The following ACBD6 variants were observed in gnomAD, a reference collection of about 807,000 sequenced individuals.
ACBD6 encodes the protein acyl-CoA binding domain containing 6.
A neutral mutation model predicts 37.2 loss-of-function variants in ACBD6; 28 were observed. The observed-to-expected ratio is 0.75, with a 90% CI of 0.56 to 1.03. ACBD6 has a LOEUF of 1.03. ACBD6 is among the 50% of genes least tolerant of loss of function. ACBD6 has a pLI of 0.00. For missense variants in ACBD6, 340 were observed against 337.4 expected (o/e 1.01, Z -0.06); for synonymous variants, 113 against 126.8 (o/e 0.89, Z 0.73).
intron 6 of ACBD6, among the ~76,000 whole-genome samples, chr1:180,338,714 A>G (rs560299181): frequency 1.3e-5 from 2 of 152,250 alleles, no homozygotes; most frequent in Admixed American, 1.3e-4. Context: ...TCTGCACAGC[A>G]AAAGAAACTA....
chr1:180,467,448 C>CAAAAAAAAAAAAAAA (rs57941230), intron 3 of ACBD6, among the ~76,000 whole-genome samples: 35 of 72,548 alleles, frequency 4.8e-4, no homozygotes, highest in South Asian at 6.0e-4. Context: ...TCCATCTCTG[C>CAAAAAAAAAAAAAAA]AAAAAAAAAA....
chr1:180,439,097 A>C (rs147341803), intron 3 of ACBD6, among the ~76,000 whole-genome samples: 294 of 152,340 alleles, frequency 1.9e-3, no homozygotes, highest in Middle Eastern at 6.8e-3. Context: ...TTCATGGTCT[A>C]ATAGCTCATT....
intron 6 of ACBD6, among the ~76,000 whole-genome samples, chr1:180,349,290 C>T (rs921403848): frequency 7.4e-5 from 11 of 149,344 alleles, no homozygotes; most frequent in African/African-American, 1.2e-4. Flanking sequence ...GGAAACGTCT[C>T]GCTCTGTCGC....
At chr1:180,412,448 A>G (rs1647900466) in intron 5 of ACBD6, among the ~76,000 whole-genome samples, 1 of 152,236 alleles carries the variant, frequency 6.6e-6, no homozygotes, top group African/African-American at 2.4e-5. Flanking sequence ...AATCTTTCAC[A>G]GCATCACCAA....
chr1:180,502,226 T>C lies in ACBD6; in HGVS notation c.41A>G (p.Asp14Gly), dbSNP rs1224279658. Residue 14 changes from aspartate (D) to glycine (G), a missense_variant, in exon 1 of 8, where the codon GAC (aspartate) becomes GGC (glycine). Transcript: ENST00000367595. ...SFLPAGAITG[D>G]SGGELSSGDD... ...CCCTGAGCTCAGCTCTCCACCGCTG[T>C]CGCCGGTGATGGCCCCCGCGGGCAG... 2 of 1,613,834 alleles carry C rather than the reference T, an allele frequency of 1.2e-6. No individual in the cohort carries two copies. The highest frequency in any genetic ancestry group is 1.7e-6 in the Non-Finnish European group (2 of 1,180,036).
chr1:180,391,827 T>G (rs1169669493), intron 6 of ACBD6, among the ~76,000 whole-genome samples: 1 of 152,110 alleles, frequency 6.6e-6, no homozygotes, highest in African/African-American at 2.4e-5. Context: ...AATGAAAATA[T>G]ATGTGTATAT....
In ACBD6 at chr1:180,395,963, T is replaced by C. The variant is rs184332078; in HGVS notation, c.663+1553A>G. Among the ~76,000 whole-genome samples, 3 of 152,216 alleles carry C rather than the reference T, an allele frequency of 2.0e-5. No individual in the cohort carries two copies. The East Asian group carries it at 5.8e-4, about 29-fold the overall frequency. ...AAATACATACAAATAATATTCGGCT[T>C]TAAAAGGGAAGGAAATTTTGACACA... On this transcript the variant is annotated intron_variant, in intron 6 of 7. Coordinates refer to ENST00000367595, the MANE Select transcript of ACBD6 (RefSeq NM_032360.4).
At chr1:180,445,201 A>G (rs576281730) in intron 3 of ACBD6, among the ~76,000 whole-genome samples, 1 of 152,326 alleles carries the variant, frequency 6.6e-6, no homozygotes, top group East Asian at 1.9e-4. Context: ...ATTATTGCCC[A>G]AAACATGGCC....
chr1:180,324,846 A>G (rs1403220824), intron 6 of ACBD6, among the ~76,000 whole-genome samples: 1 of 152,078 alleles, frequency 6.6e-6, no homozygotes, highest in East Asian at 1.9e-4. Context: ...TGCTTGAAGG[A>G]TATTTTCACA....
At position 180,408,927 on chromosome 1, in the gene ACBD6, C is replaced by G. The variant is rs962015461; in HGVS notation, c.573+4439G>C. ...ACCCTAACACTTTGGGAGGCTGAGG[C>G]AGGCTGATTACTAAAGCTCAGGAGT... is the stretch of plus-strand genomic sequence containing the variant. On this transcript the variant is annotated intron_variant, in intron 5 of 7. Transcript: ENST00000367595. Among the ~76,000 whole-genome samples the G allele has an allele frequency of 1.6e-4, 24 of 152,126 alleles. No homozygotes were observed. In the South Asian group the frequency reaches 5.0e-3, roughly 32 times the overall value.
chr1:180,398,960 T>C (rs1273941849), intron 5 of ACBD6, among the ~76,000 whole-genome samples: 1 of 152,204 alleles, frequency 6.6e-6, no homozygotes, highest in African/African-American at 2.4e-5. Context: ...ACTGCCTACA[T>C]TCTTTTTATC....
At chr1:180,279,217 G>A (rs1488429213) in intron 9 of ACBD6, among the ~76,000 whole-genome samples, 6 of 152,186 alleles carry the variant, frequency 3.9e-5, no homozygotes, top group African/African-American at 4.8e-5. Flanking sequence ...TCCTGGGCAC[G>A]ATCCTCTGCC....
chr1:180,321,832 CT>C (rs1651084138), intron 6 of ACBD6, among the ~76,000 whole-genome samples: 1 of 152,124 alleles, frequency 6.6e-6, no homozygotes, highest in African/African-American at 2.4e-5. Flanking sequence ...GATAATTTGA[CT>C]TCTTCCTTTC....
chr1:180,350,318 G>A (rs1224460415), intron 6 of ACBD6, among the ~76,000 whole-genome samples: 2 of 152,110 alleles, frequency 1.3e-5, no homozygotes, highest in Non-Finnish European at 1.5e-5. Context: ...ACAGGTGTGA[G>A]CCACCATGCC....
intron 2 of ACBD6, among the ~76,000 whole-genome samples, chr1:180,493,263 A>C (rs1410112701): frequency 1.4e-5 from 2 of 140,682 alleles, no homozygotes; most frequent in East Asian, 2.0e-4. Flanking sequence ...AAAAAAAAAA[A>C]AAAAAAAAAA....
chr1:180,377,122 A>AC (rs1310767167), intron 6 of ACBD6, among the ~76,000 whole-genome samples: 2 of 151,324 alleles, frequency 1.3e-5, no homozygotes, highest in African/African-American at 4.9e-5. Flanking sequence ...AGTTGAACAG[A>AC]AAAAAAAACA....
At chr1:180,355,279 C>T (rs1652578695) in intron 6 of ACBD6, among the ~76,000 whole-genome samples, 1 of 152,176 alleles carries the variant, frequency 6.6e-6, no homozygotes, top group African/African-American at 2.4e-5. Flanking sequence ...CTCTGGCTCC[C>T]AACCTTATGC....
At chr1:180,419,071 G>A (rs1648236297) in intron 4 of ACBD6, among the ~76,000 whole-genome samples, 1 of 152,218 alleles carries the variant, frequency 6.6e-6, no homozygotes, top group South Asian at 2.1e-4. Context: ...CTAACACGGT[G>A]AAACCCCGTC....
At chr1:180,414,648 G>A (rs1648000280) in intron 4 of ACBD6, among the ~76,000 whole-genome samples, 1 of 148,968 alleles carries the variant, frequency 6.7e-6, no homozygotes, top group Non-Finnish European at 1.5e-5. Flanking sequence ...TAGCTGGGAT[G>A]ACAAAAATCT....
Sources: gnomAD v4.1 joint callset for allele counts (sites outside exome capture counted in the v4.1 genomes callset) on GRCh38, gnomAD v4.1.1 for gene constraint, MANE v1.5 for transcripts, NCBI Gene and HGNC (gene_info 2026-07-23, HGNC 2026-07-21) for gene names.